Variants in COL27A1 observed in about 807,000 individuals in gnomAD.
COL27A1 encodes collagen alpha-1(XXVII) chain.
COL27A1 carries 106 observed loss-of-function variants against 251.3 expected under a neutral mutation model. The observed-to-expected ratio is 0.42, with a 90% CI of 0.36 to 0.50. The LOEUF (loss-of-function observed/expected upper bound fraction) is 0.50, where lower values mean the gene tolerates loss of function less well. Among genes scored for constraint, COL27A1 ranks in the 20% least tolerant of loss-of-function variants. COL27A1 has a pLI of 0.00. For synonymous variants in COL27A1, 1,000 were observed against 986.3 expected (o/e 1.01, Z -0.26); for missense variants, 2,325 against 2,522.8 (o/e 0.92, Z 1.68).
chr9:114,283,676 C>A lies in COL27A1; in HGVS notation c.3880-33C>A, dbSNP rs1046494338. 3.7e-6 allele frequency: 6 copies of A among 1,608,626 alleles called. No individual in the cohort carries two copies. In the African/African-American group the frequency reaches 8.0e-5, roughly 21 times the overall value. ...CTGTGTCCCCGCTGTGAGAGCCACA[C>A]TCCATACCAACGAGGGTCTCCTCCT... On this transcript the variant is annotated intron_variant, in intron 39 of 60. Transcript: ENST00000356083.
At chr9:114,278,290 ATGGTGGTAG>A (rs944968269) in intron 37 of COL27A1, among the ~76,000 whole-genome samples, 6 of 113,402 alleles carry the variant, frequency 5.3e-5, no homozygotes, top group Middle Eastern at 4.2e-3. Flanking sequence ...GGGGGTGTTG[ATGGTGGTAG>A]TGGTGGTAGT....
At position 114,265,120 on chromosome 9, in the gene COL27A1, A is replaced by T. The variant is rs1004989403; in HGVS notation, c.3339+10A>T. 2 of 1,369,800 alleles carry T rather than the reference A, an allele frequency of 1.5e-6. No homozygotes were observed. Among genetic ancestry groups the T allele is most frequent in the African/African-American group, 1.6e-5 (1 of 63,596 alleles). The allele number at this position is 1,369,800 out of a possible 1,614,324, so 84.9% of individuals were successfully genotyped here. A position where few individuals can be genotyped will look rare whatever the true frequency, so the allele number is the denominator to read the frequency against. On this transcript the variant is annotated intron_variant, in intron 31 of 60. Transcript: ENST00000356083. ...CTCGAGAGGCTTTCCTGTAAGTAGC[A>T]CCAGTTCTTGAAATTCTCTACATGG...
In COL27A1 at chr9:114,302,120, A is replaced by G. The variant is rs1245059709; in HGVS notation, c.4872+12A>G. On this transcript the variant is annotated intron_variant, in intron 56 of 60. Coordinates refer to ENST00000356083, the MANE Select transcript of COL27A1 (RefSeq NM_032888.4). Reference sequence around the variant, plus strand: ...GTCCTATCCAATTGGTAAGTTGGAAACCTTCTCTTTTGCCTACTTGGGGTA... The same window carrying G: ...GTCCTATCCAATTGGTAAGTTGGAAGCCTTCTCTTTTGCCTACTTGGGGTA... The G allele has an allele frequency of 6.2e-7, 1 of 1,611,612 alleles. No individual in the cohort carries two copies. Among genetic ancestry groups the G allele is most frequent in the Admixed American group, 1.7e-5 (1 of 60,012 alleles).
intron 28 of COL27A1, among the ~76,000 whole-genome samples, chr9:114,262,521 G>C (rs1273596348): frequency 6.6e-6 from 1 of 152,244 alleles, no homozygotes; most frequent in African/African-American, 2.4e-5. Flanking sequence ...TCCCCTGGCA[G>C]AGCCTGGCAG....
At chr9:114,185,620 T>A (rs1162021371) in intron 5 of COL27A1, among the ~76,000 whole-genome samples, 1 of 152,214 alleles carries the variant, frequency 6.6e-6, no homozygotes, top group Admixed American at 6.5e-5. Flanking sequence ...CAGATCCCCT[T>A]TGGGATGGGA....
At chr9:114,216,146 C>T (rs1407234104) in intron 12 of COL27A1, among the ~76,000 whole-genome samples, 1 of 152,232 alleles carries the variant, frequency 6.6e-6, no homozygotes, top group African/African-American at 2.4e-5. Flanking sequence ...AATGCAGAGT[C>T]TCACTCCTTA....
At chr9:114,269,614 C>CAAAAAA (rs552967033) in intron 35 of COL27A1, among the ~76,000 whole-genome samples, 2 of 69,190 alleles carry the variant, frequency 2.9e-5, no homozygotes, top group East Asian at 5.5e-4. Context: ...GACTCCATCT[C>CAAAAAA]AAAAAAAAAA....
chr9:114,158,322 GGTAATAAGGATGGAAGAAA>G (rs1848261060), intron 1 of COL27A1, among the ~76,000 whole-genome samples: 1 of 152,174 alleles, frequency 6.6e-6, no homozygotes, highest in African/African-American at 2.4e-5. Flanking sequence ...TGTGTTTCCA[GGTAATAAGGATGGAAGAAA>G]ACTATCCAAG....
intron 5 of COL27A1, among the ~76,000 whole-genome samples, chr9:114,185,300 C>T (rs970787711): frequency 1.3e-5 from 2 of 152,230 alleles, no homozygotes; most frequent in African/African-American, 4.8e-5. Flanking sequence ...CTATAAAATA[C>T]ACTGGAATCA....
At chr9:114,287,573 G>T (rs1045553749) in intron 41 of COL27A1, among the ~76,000 whole-genome samples, 1 of 152,070 alleles carries the variant, frequency 6.6e-6, no homozygotes, top group African/African-American at 2.4e-5. Context: ...TACCGGCTAC[G>T]GCAATTTTAA....
intron 45 of COL27A1, among the ~76,000 whole-genome samples, chr9:114,289,833 A>G (rs191997414): frequency 1.4e-3 from 208 of 152,156 alleles, no homozygotes; most frequent in African/African-American, 4.9e-3. Context: ...GAAAATTGTC[A>G]ATGCCAGTGA....
At chr9:114,291,043 A>G (rs755903606) in intron 48 of COL27A1, 126 bp downstream of exon 48, 1 of 626,892 alleles carries the variant, frequency 1.6e-6, no homozygotes, top group Non-Finnish European at 2.7e-6. Flanking sequence ...CACATTGTTG[A>G]CCTTTCTCCG....
rs761395445 is a variant in COL27A1, at chr9:114,168,699, A to T, written c.1144A>T (p.Ile382Phe). ...PSAPSTSIVP[I>F]KSPHPTQKTA... is the part of the protein sequence containing the mutation. ...GGCCCCTTCTACTTCAATTGTGCCCATCAAAAGCCCCCATCCTACCCAGAA... is the reference window on the plus strand; with the variant it reads ...GGCCCCTTCTACTTCAATTGTGCCCTTCAAAAGCCCCCATCCTACCCAGAA... The change falls in exon 3 of 61, where the codon ATC (isoleucine) becomes TTC (phenylalanine). Residue 382 changes from isoleucine to phenylalanine, a missense_variant. By Grantham distance (21) the Ile-to-Phe change is conservative (BLOSUM62 0). Around this residue, in one of 4 missense-constraint regions of COL27A1, gnomAD observed 1,183 missense variants for 1,144.1 expected, o/e 1.03. Transcript: ENST00000356083. 1.2e-6 allele frequency: 2 copies of T among 1,613,946 alleles called. No individual in the cohort carries two copies. The highest frequency in any genetic ancestry group is 2.7e-5 in the African/African-American group (2 of 74,920).
intron 12 of COL27A1, chr9:114,217,808 C>T (rs1386163386): frequency 2.1e-6 from 1 of 470,884 alleles, no homozygotes; most frequent in South Asian, 1.5e-5. Context: ...GAGGTGGGAA[C>T]TCAATGCCTT....
At chr9:114,228,146 G>A (rs970521473) in intron 14 of COL27A1, among the ~76,000 whole-genome samples, 7 of 152,172 alleles carry the variant, frequency 4.6e-5, no homozygotes, top group African/African-American at 1.2e-4. Context: ...CTGAGGCAGC[G>A]AGTGGGACCT....
rs763296128 is a variant in COL27A1, at chr9:114,168,616, A to G, written c.1061A>G (p.Gln354Arg). The change falls in exon 3 of 61, where the codon CAA becomes CGA. Residue 354 changes from glutamine (Q) to arginine (R), a missense_variant. Coordinates refer to ENST00000356083, the MANE Select transcript of COL27A1 (RefSeq NM_032888.4). The part of the protein sequence containing the change: ...STRTPRPAAA[Q>R]PSQKITATKI... ...AGAACGCCTCGCCCTGCGGCCGCTCAACCATCACAGAAGATCACAGCCACC... is the reference window on the plus strand; with the variant it reads ...AGAACGCCTCGCCCTGCGGCCGCTCGACCATCACAGAAGATCACAGCCACC... 1 of 1,614,026 alleles carries G rather than the reference A, an allele frequency of 6.2e-7. No homozygotes were observed. The highest frequency in any genetic ancestry group is 8.5e-7 in the Non-Finnish European group (1 of 1,180,002).
chr9:114,222,872 G>A (rs1452297442), intron 14 of COL27A1, among the ~76,000 whole-genome samples: 1 of 152,292 alleles, frequency 6.6e-6, no homozygotes, highest in African/African-American at 2.4e-5. Flanking sequence ...TCCTGGAGTG[G>A]CCATGAGGAT....
rs112035295 is a variant in COL27A1, at chr9:114,198,516, T to G, written c.2124+2504T>G. 7.8e-3 allele frequency among the ~76,000 whole-genome samples: 1,188 copies of G among 152,196 alleles called. 17 individuals are homozygous for G. The highest frequency in any genetic ancestry group is 0.025 in the African/African-American group (1,035 of 41,524). ...AGTAGCTCTAAAAGGCCTCCAGGTG[T>G]TTCCCACATGCAGTCAAGAATGAGA... On this transcript the variant is annotated intron_variant, in intron 7 of 60. Transcript: ENST00000356083.
chr9:114,164,518 C>A (rs1848697483), intron 2 of COL27A1, among the ~76,000 whole-genome samples: 1 of 152,202 alleles, frequency 6.6e-6, no homozygotes, highest in South Asian at 2.1e-4. Flanking sequence ...CCCATGCTGC[C>A]TGGCCCAGCC....
Sources: allele counts gnomAD v4.1 joint callset (sites outside exome capture counted in the v4.1 genomes callset), GRCh38; gene constraint gnomAD v4.1.1; regional missense constraint gnomAD v4.1.1; transcripts MANE v1.5; gene names NCBI Gene and HGNC (gene_info 2026-07-23, HGNC 2026-07-21).